Variants in BCAS3 observed in about 807,000 individuals in gnomAD.
BCAS3 encodes the protein BCAS4/BCAS3 fusion.
BCAS3 carries 53 observed loss-of-function variants against 116.1 expected under a neutral mutation model. That is an observed-to-expected ratio of 0.46 (90% CI 0.37 to 0.57). BCAS3 has a LOEUF of 0.57. Ranked by LOEUF, BCAS3 falls within the 20% of genes least tolerant of loss-of-function variation. BCAS3 has a pLI of 0.00. For missense variants in BCAS3, 917 were observed against 1,165.4 expected (o/e 0.79, Z 3.10); for synonymous variants, 391 against 408.2 (o/e 0.96, Z 0.51).
At chr17:60,789,141 T>C (rs1018223905) in intron 6 of BCAS3, among the ~76,000 whole-genome samples, 1 of 152,200 alleles carries the variant, frequency 6.6e-6, no homozygotes, top group Non-Finnish European at 1.5e-5. Context: ...CAGCATACTT[T>C]TGCATAAAAT....
chr17:60,850,392 C>G (rs192516470), intron 7 of BCAS3, among the ~76,000 whole-genome samples: 6 of 64,780 alleles, frequency 9.3e-5, no homozygotes, highest in African/African-American at 2.2e-4. Flanking sequence ...AGTTTTTGCT[C>G]TTGTTGCCCA....
At chr17:61,101,823 C>A (rs1313655135) in intron 22 of BCAS3, among the ~76,000 whole-genome samples, 2 of 152,230 alleles carry the variant, frequency 1.3e-5, no homozygotes, top group Non-Finnish European at 1.5e-5. Flanking sequence ...TAAGGAAGTG[C>A]AGATATGAAA....
At chr17:60,703,304 T>C (rs1236140635) in intron 4 of BCAS3, among the ~76,000 whole-genome samples, 1 of 135,972 alleles carries the variant, frequency 7.4e-6, no homozygotes, top group African/African-American at 2.8e-5. Context: ...AATGCAGCTT[T>C]TAGGCCAGGC....
chr17:61,115,748 C>G (rs1056059366), intron 22 of BCAS3, among the ~76,000 whole-genome samples: 42 of 147,778 alleles, frequency 2.8e-4, no homozygotes, highest in African/African-American at 9.7e-4. Context: ...TGGGTATATA[C>G]CCAAAGCACT....
chr17:61,037,602 T>G lies in BCAS3; in HGVS notation c.1763-287T>G, dbSNP rs1194301557. Among the ~76,000 whole-genome samples, 12 of 152,116 alleles carry G rather than the reference T, an allele frequency of 7.9e-5. No individual in the cohort carries two copies. In the East Asian group the frequency reaches 1.7e-3, roughly 22 times the overall value. On this transcript the variant is annotated intron_variant, in intron 17 of 23. Transcript: ENST00000407086. This position sits in a 1 kb window ranked among gnomAD's most constrained non-coding sequence, Gnocchi z 4.7. The stretch of plus-strand genomic sequence containing the variant: ...GCCTGACCAACACGGCGAAACCCTA[T>G]CTCTACTAAAAATACAAAAATTAGC...
At position 61,282,198 on chromosome 17, in the gene BCAS3, AT is replaced by A. The variant is rs1371615696; in HGVS notation, c.2426-86124del. Reference sequence around the variant, plus strand: ...GAACACATTCATATATGCTTTTATTATTTTTCTCCCTAATTGGTCTCAGGTT... The same window carrying A: ...GAACACATTCATATATGCTTTTATTATTTTCTCCCTAATTGGTCTCAGGTT... On this transcript the variant is annotated intron_variant, in intron 22 of 23. Transcript: ENST00000407086. The surrounding 1 kb of genome is among the most constrained non-coding windows in gnomAD (Gnocchi z 5.9). Among the ~76,000 whole-genome samples, 1 of 152,140 alleles carries A rather than the reference AT, an allele frequency of 6.6e-6. No individual in the cohort carries two copies. The highest frequency in any genetic ancestry group is 1.5e-5 in the Non-Finnish European group (1 of 67,996).
rs866154630 is a variant in BCAS3, at chr17:61,386,806, T to G, written c.2594-5171T>G. On this transcript the variant is annotated intron_variant, in intron 23 of 23. Coordinates refer to ENST00000407086, the MANE Select transcript of BCAS3 (RefSeq NM_017679.5). The stretch of plus-strand genomic sequence containing the variant: ...TTGTTTTTGTTTTTTGTTTTTTTTT[T>G]TTTTTTTGAGATGCCAGGCTGGAGT... 6.7e-3 allele frequency among the ~76,000 whole-genome samples: 1,000 copies of G among 150,316 alleles called. 10 individuals are homozygous for G. Among genetic ancestry groups the G allele is most frequent in the African/African-American group, 0.023 (945 of 41,238 alleles).
chr17:60,975,420 G>A (rs530074133), intron 14 of BCAS3, among the ~76,000 whole-genome samples: 3 of 152,310 alleles, frequency 2.0e-5, no homozygotes, highest in South Asian at 2.1e-4. Flanking sequence ...GACAGCAAAG[G>A]CATCTCTAAG....
At chr17:61,216,637 G>A (rs958869306) in intron 22 of BCAS3, among the ~76,000 whole-genome samples, 11 of 151,084 alleles carry the variant, frequency 7.3e-5, no homozygotes, top group Admixed American at 2.6e-4. Flanking sequence ...TCCATCTCCC[G>A]GGTTCAAGCG....
chr17:61,027,370 T>C (rs1178191169), intron 16 of BCAS3: 3 of 455,162 alleles, frequency 6.6e-6, no homozygotes, highest in Non-Finnish European at 1.3e-5. Flanking sequence ...GAGACAAAAG[T>C]TCTGTTTTTG....
At position 61,307,016 on chromosome 17, in the gene BCAS3, T is replaced by C. The variant is rs1355989628; in HGVS notation, c.2426-61311T>C. On this transcript the variant is annotated intron_variant, in intron 22 of 23. Transcript: ENST00000407086. The surrounding 1 kb of genome is among the most constrained non-coding windows in gnomAD (Gnocchi z 4.7). The stretch of plus-strand genomic sequence containing the variant: ...CTCTTGGCCAATTTGGCATCAGGGC[T>C]CTGGGCCTTTGCCCCCAGCTTCTGT... 6.6e-6 allele frequency among the ~76,000 whole-genome samples: 1 copy of C among 152,234 alleles called. No individual in the cohort carries two copies. Among genetic ancestry groups the C allele is most frequent in the African/African-American group, 2.4e-5 (1 of 41,468 alleles).
At chr17:61,069,913 G>A in intron 19 of BCAS3, 1 of 1,478,332 alleles carries the variant, frequency 6.8e-7, no homozygotes, top group Non-Finnish European at 9.3e-7. Flanking sequence ...CCCTCCTAAA[G>A]CCGAAGCCAA....
rs1365848139 is a variant in BCAS3 at position 60,962,497 on chromosome 17, G to A, written c.1221+15145G>A. ...TTGCATGTCTTCTTTTGAGAAATGT[G>A]TGTTCAGGTCTTTTGCCCATTTTTA... On this transcript the variant is annotated intron_variant, in intron 14 of 23. Coordinates refer to ENST00000407086, the MANE Select transcript of BCAS3 (RefSeq NM_017679.5). The surrounding 1 kb of genome is among the most constrained non-coding windows in gnomAD (Gnocchi z 4.4). 6.6e-6 allele frequency among the ~76,000 whole-genome samples: 1 copy of A among 151,986 alleles called. No homozygotes were observed. The highest frequency in any genetic ancestry group is 1.5e-5 in the Non-Finnish European group (1 of 67,972).
Position 61,214,972 on chromosome 17 carries a change from G to A in BCAS3, c.2425+130408G>A, listed in dbSNP as rs1265798582. Among the ~76,000 whole-genome samples the A allele has an allele frequency of 1.3e-5, 2 of 152,056 alleles. No individual in the cohort carries two copies. Among genetic ancestry groups the A allele is most frequent in the Non-Finnish European group, 2.9e-5 (2 of 68,018 alleles). Reference sequence around the variant, plus strand: ...TTTACCCTCAAGAAAAAGAAATACAGCCTCTATATACCTCTTACACCCACT... The same window carrying A: ...TTTACCCTCAAGAAAAAGAAATACAACCTCTATATACCTCTTACACCCACT... On this transcript the variant is annotated intron_variant, in intron 22 of 23. Transcript: ENST00000407086. The surrounding 1 kb of genome is among the most constrained non-coding windows in gnomAD (Gnocchi z 4.4).
Position 61,352,976 on chromosome 17 carries a change from G to A in BCAS3, c.2426-15351G>A, listed in dbSNP as rs1389523846. Among the ~76,000 whole-genome samples the A allele has an allele frequency of 6.6e-6, 1 of 152,194 alleles. No individual in the cohort carries two copies. Among genetic ancestry groups the A allele is most frequent in the African/African-American group, 2.4e-5 (1 of 41,450 alleles). ...CATGTTAATGCCTAACACAAGGCTGGGACTGCAGGGAGAGGCCAAGGGACT... is the reference window on the plus strand; with the variant it reads ...CATGTTAATGCCTAACACAAGGCTGAGACTGCAGGGAGAGGCCAAGGGACT... On this transcript the variant is annotated intron_variant, in intron 22 of 23. Coordinates refer to ENST00000407086, the MANE Select transcript of BCAS3 (RefSeq NM_017679.5). This position sits in a 1 kb window ranked among gnomAD's most constrained non-coding sequence, Gnocchi z 4.7.
intron 22 of BCAS3, among the ~76,000 whole-genome samples, chr17:61,158,003 A>C (rs1287642896): frequency 6.6e-6 from 1 of 152,078 alleles, no homozygotes; most frequent in Non-Finnish European, 1.5e-5. Context: ...ATTCTTTACC[A>C]TGTATGACTA....
intron 6 of BCAS3, among the ~76,000 whole-genome samples, chr17:60,767,526 T>G (rs1213183338): frequency 6.6e-6 from 1 of 151,842 alleles, no homozygotes; most frequent in Non-Finnish European, 1.5e-5. Context: ...TTTGTATTTT[T>G]ATTAGAAATG....
intron 19 of BCAS3, among the ~76,000 whole-genome samples, chr17:61,052,740 C>T (rs576371048): frequency 2.6e-4 from 31 of 119,532 alleles, no homozygotes; most frequent in Middle Eastern, 6.2e-3. Flanking sequence ...TTTTTTGAGA[C>T]GGGGTTTCTC....
chr17:60,820,339 C>T (rs1221558418), intron 7 of BCAS3, among the ~76,000 whole-genome samples: 1 of 152,138 alleles, frequency 6.6e-6, no homozygotes, highest in Non-Finnish European at 1.5e-5. Flanking sequence ...GCCACCGTGC[C>T]CAGCCGACGG....
Sources: gnomAD v4.1 joint callset for allele counts (sites outside exome capture counted in the v4.1 genomes callset) on GRCh38, gnomAD v4.1.1 for gene constraint, Gnocchi (gnomAD v3.1) non-coding constraint, MANE v1.5 for transcripts, NCBI Gene and HGNC (gene_info 2026-07-23, HGNC 2026-07-21) for gene names.